APOL4: variants seen among roughly 807,000 people sequenced by gnomAD.
The protein encoded by APOL4 is apolipoprotein L4.
APOL4 carries 14 observed loss-of-function variants against 12.1 expected under a neutral mutation model. That is an observed-to-expected ratio of 1.16 (90% confidence interval 0.76 to 1.81). The LOEUF is 1.81. Among genes scored for constraint, APOL4 ranks in the 40% most tolerant of loss-of-function variants. APOL4 has a pLI of 0.00. For synonymous variants in APOL4, 171 were observed against 160.6 expected (o/e 1.06, Z -0.49); for missense variants, 432 against 423.1 (o/e 1.02, Z -0.18).
At chr22:36,200,530 C>A (rs947611174) in intron 1 of APOL4, among the ~76,000 whole-genome samples, 1 of 152,364 alleles carries the variant, frequency 6.6e-6, no homozygotes, top group Non-Finnish European at 1.5e-5. Flanking sequence ...CTGCCCTGTT[C>A]CCTCTGCTGT....
intron 2 of APOL4, among the ~76,000 whole-genome samples, chr22:36,195,772 T>A (rs201654429): frequency 0.013 from 1,849 of 139,760 alleles, 41 homozygotes; most frequent in African/African-American, 0.046. Context: ...TCTCTCTCTC[T>A]CTCTCACACA....
intron 3 of APOL4, among the ~76,000 whole-genome samples, chr22:36,193,339 G>A (rs367898860): frequency 1.3e-5 from 2 of 152,134 alleles, no homozygotes; most frequent in African/African-American, 4.8e-5. Flanking sequence ...CTTCCTTCCT[G>A]ATTTAATGTG....
At chr22:36,199,222 G>A in intron 2 of APOL4, 108 bp downstream of exon 2, 1 of 1,471,888 alleles carries the variant, frequency 6.8e-7, no homozygotes, top group African/African-American at 1.4e-5. Context: ...GGGTTCCGTT[G>A]GGGCTCACTC....
At chr22:36,191,950 T>A (rs777002322) in intron 3 of APOL4, 38 bp from the exon 4 acceptor site, 3 of 1,499,924 alleles carry the variant, frequency 2.0e-6, no homozygotes, top group Non-Finnish European at 2.7e-6. Context: ...GAAAGGCAGC[T>A]TACTTACCTG....
rs1282058657 is a variant in APOL4, at chr22:36,191,688, C to T, written c.434G>A (p.Gly145Asp). 1.6e-5 allele frequency: 26 copies of T among 1,613,934 alleles called. No homozygotes were observed. Among genetic ancestry groups the T allele is most frequent in the Non-Finnish European group, 2.2e-5 (26 of 1,179,916 alleles). ...RGCVIANVVS[G>D]STGILSVIGV... ...AATGACAGACAGGATGCCAGTGGAG[C>T]CAGACACCACATTGGCGATGACGCA... Residue 145 changes from glycine to aspartate, a missense_variant, in exon 4 of 4, where the codon GGC (glycine) becomes GAC (aspartate). Transcript: ENST00000683024.
intron 2 of APOL4, among the ~76,000 whole-genome samples, chr22:36,198,585 G>A (rs28431966): frequency 0.036 from 5,545 of 152,312 alleles, 147 homozygotes; most frequent in Admixed American, 0.059. Context: ...AGCTCGGGAA[G>A]GGGGTGGCTT....
In APOL4 at chr22:36,190,753, A is replaced by G. The variant is rs1435205237; in HGVS notation, c.*322T>C. The G allele has an allele frequency of 1.8e-5, 5 of 281,470 alleles. No homozygotes were observed. The highest frequency in any genetic ancestry group is 1.5e-4 in the South Asian group (3 of 19,690). 17.4% of individuals were successfully genotyped at this position (281,470 alleles called of 1,614,324 possible). A position where few individuals can be genotyped will look rare whatever the true frequency, so the allele number is the denominator to read the frequency against. On this transcript the variant is annotated 3_prime_UTR_variant, in exon 4 of 4. Transcript: ENST00000683024. ...CAGATTTCATATTGTTCAAACACAC[A>G]TGCTCTACAATTTGTGCAGTTAACG...
intron 1 of APOL4, chr22:36,199,663 C>T: frequency 1.3e-6 from 2 of 1,549,454 alleles, no homozygotes; most frequent in South Asian, 2.4e-5. Context: ...CTGATCATTA[C>T]AGAAACTACA....
intron 2 of APOL4, 143 bp downstream of exon 2, chr22:36,199,187 G>T: frequency 8.6e-7 from 1 of 1,158,786 alleles, no homozygotes; most frequent in Non-Finnish European, 1.3e-6. Flanking sequence ...GGGGCTTGGG[G>T]CAGCCTCATC....
rs552763974 is a variant in APOL4 at position 36,197,942 on chromosome 22, C to T, written c.82+1388G>A. 54 of 1,385,316 alleles carry T rather than the reference C, an allele frequency of 3.9e-5. No individual in the cohort carries two copies. In the South Asian group the frequency reaches 8.9e-4, roughly 23 times the overall value. 85.8% of individuals were successfully genotyped at this position (1,385,316 alleles called of 1,614,324 possible). A position where few individuals can be genotyped will look rare whatever the true frequency, so the allele number is the denominator to read the frequency against. Reference sequence around the variant, plus strand: ...AATCATACCCTCCTTGTCCCACACCCACCTGTGCCACAGAAGTTCCATGCT... The same window carrying T: ...AATCATACCCTCCTTGTCCCACACCTACCTGTGCCACAGAAGTTCCATGCT... On this transcript the variant is annotated intron_variant, in intron 2 of 3. Coordinates refer to ENST00000683024, the MANE Select transcript of APOL4 (RefSeq NM_001386885.1).
chr22:36,191,691 G>A lies in APOL4; in HGVS notation c.431C>T (p.Ser144Phe), dbSNP rs770675134. The A allele has an allele frequency of 5.0e-6, 8 of 1,614,064 alleles. No individual in the cohort carries two copies. The highest frequency in any genetic ancestry group is 6.8e-6 in the Non-Finnish European group (8 of 1,179,904). Residue 144 changes from serine (S) to phenylalanine (F), a missense_variant, in exon 4 of 4, where the codon TCT (serine) becomes TTT (phenylalanine). By Grantham distance (155) the Ser-to-Phe change is radical. Coordinates refer to ENST00000683024, the MANE Select transcript of APOL4 (RefSeq NM_001386885.1). Reference sequence around the variant, plus strand: ...GACAGACAGGATGCCAGTGGAGCCAGACACCACATTGGCGATGACGCAGCC... The same window carrying A: ...GACAGACAGGATGCCAGTGGAGCCAAACACCACATTGGCGATGACGCAGCC... ...HRGCVIANVV[S>F]GSTGILSVIG...
In APOL4 at chr22:36,194,027, A is replaced by G. The variant is rs535415841; in HGVS notation, c.209+1284T>C. 2.6e-5 allele frequency among the ~76,000 whole-genome samples: 4 copies of G among 152,324 alleles called. No individual in the cohort carries two copies. The South Asian group carries it at 8.3e-4, about 32-fold the overall frequency. On this transcript the variant is annotated intron_variant, in intron 3 of 3. Transcript: ENST00000683024. Reference sequence around the variant, plus strand: ...TTGAGGACTCATGAGGACTTTGAAAATCATCTCTATAAATCACTAATGCTG... The same window carrying G: ...TTGAGGACTCATGAGGACTTTGAAAGTCATCTCTATAAATCACTAATGCTG...
At chr22:36,197,579 G>T in intron 2 of APOL4, 5 of 1,451,796 alleles carry the variant, frequency 3.4e-6, no homozygotes, top group Middle Eastern at 3.6e-4. Flanking sequence ...CAGAACAGCT[G>T]TAACCCCCCA....
At chr22:36,202,357 G>A (rs182107301), upstream of APOL4, among the ~76,000 whole-genome samples, 687 of 152,272 alleles carry the variant, frequency 4.5e-3, 3 homozygotes, top group African/African-American at 0.015. Flanking sequence ...TGATCTTCCC[G>A]CCTCTGCCTC....
chr22:36,193,491 G>A (rs960153545), intron 3 of APOL4, among the ~76,000 whole-genome samples: 1 of 152,196 alleles, frequency 6.6e-6, no homozygotes, highest in Admixed American at 6.5e-5. Context: ...ACTCTGCCCT[G>A]TATGTCTCTT....
intron 3 of APOL4, among the ~76,000 whole-genome samples, chr22:36,192,204 G>C (rs1187668818): frequency 1.3e-5 from 2 of 152,144 alleles, no homozygotes; most frequent in African/African-American, 4.8e-5. Context: ...GCCAGGCGTG[G>C]TGGTGAGTGC....
chr22:36,196,676 A>G (rs1016997149), intron 2 of APOL4, among the ~76,000 whole-genome samples: 1 of 152,146 alleles, frequency 6.6e-6, no homozygotes, highest in Non-Finnish European at 1.5e-5. Flanking sequence ...GACATGATGT[A>G]TAATTGTTTC....
At chr22:36,200,911 T>C (rs929958085) in intron 1 of APOL4, among the ~76,000 whole-genome samples, 1 of 152,196 alleles carries the variant, frequency 6.6e-6, no homozygotes, top group Non-Finnish European at 1.5e-5. Context: ...AAGGTAGCAG[T>C]TGAGATGTGA....
intron 2 of APOL4, among the ~76,000 whole-genome samples, chr22:36,198,748 G>A (rs1414618001): frequency 6.6e-6 from 1 of 152,182 alleles, no homozygotes; most frequent in African/African-American, 2.4e-5. Context: ...CAGGTGAGGA[G>A]GAGTAAGGAG....
Sources: allele counts gnomAD v4.1 joint callset (sites outside exome capture counted in the v4.1 genomes callset), GRCh38; gene constraint gnomAD v4.1.1; transcripts MANE v1.5; gene names NCBI Gene and HGNC (gene_info 2026-07-23, HGNC 2026-07-21).